The following ATL1 variants were observed in gnomAD, a reference collection of about 807,000 sequenced individuals.
ATL1 encodes the protein atlastin-1.
ATL1 carries 31 observed loss-of-function variants against 75.5 expected under a neutral mutation model. That is an observed-to-expected ratio of 0.41 (90% CI 0.31 to 0.55). The LOEUF (loss-of-function observed/expected upper bound fraction) is 0.55, where lower values mean the gene tolerates loss of function less well. ATL1 is among the 20% of genes least tolerant of loss of function. The probability of loss-of-function intolerance (pLI) is 0.27; values close to 1 mark genes in which losing one functional copy is unlikely to be tolerated. For synonymous variants in ATL1, 226 were observed against 233.3 expected (o/e 0.97, Z 0.28); for missense variants, 405 against 662.6 (o/e 0.61, Z 4.27).
chr14:50,632,135 C>A, intron 13 of ATL1, 94 bp from the exon 14 acceptor site: 1 of 716,134 alleles, frequency 1.4e-6, no homozygotes, highest in Non-Finnish European at 2.3e-6. Flanking sequence ...ATTCAACATG[C>A]TAAATTTTAT....
At chr14:50,557,150 G>A (rs1368576741), upstream of ATL1, among the ~76,000 whole-genome samples, 2 of 152,136 alleles carry the variant, frequency 1.3e-5, no homozygotes, top group African/African-American at 4.8e-5. Context: ...ACCAACACTT[G>A]TTATTATCTT....
intron 1 of ATL1, among the ~76,000 whole-genome samples, chr14:50,562,333 C>T (rs1289884142): frequency 6.6e-6 from 1 of 152,200 alleles, no homozygotes; most frequent in Non-Finnish European, 1.5e-5. Flanking sequence ...AGCGAGCCAC[C>T]ATTCCCGGCC....
intron 8 of ATL1, among the ~76,000 whole-genome samples, chr14:50,620,236 C>T (rs977500998): frequency 3.9e-5 from 6 of 152,072 alleles, no homozygotes; most frequent in South Asian, 2.1e-4. Flanking sequence ...CCAGCCTGGG[C>T]GACAGAGCAA....
intron 1 of ATL1, among the ~76,000 whole-genome samples, chr14:50,570,232 T>C (rs2983420): frequency 0.2 from 30,869 of 152,212 alleles, 3,906 homozygotes; most frequent in Middle Eastern, 0.29. Context: ...TCAGTTTTCT[T>C]CAATCTTTTT....
rs919176987 is a variant in ATL1, at chr14:50,566,253, C to G, written c.34+5954C>G. Among the ~76,000 whole-genome samples the G allele has an allele frequency of 0.016, 131 of 8,382 alleles. No individual in the cohort carries two copies. In the African/African-American group the frequency reaches 0.19, roughly 12 times the overall value. 5.5% of individuals were successfully genotyped at this position (8,382 alleles called of 152,430 possible). On this transcript the variant is annotated intron_variant, in intron 1 of 13. Coordinates refer to ENST00000358385, the MANE Select transcript of ATL1 (RefSeq NM_015915.5). ...CCTCAGGTGATCCACCCACCTCAGC[C>G]CCCCAAAGTGCTGGGATTACAGGCG...
chr14:50,631,687 C>G (rs1805501007), intron 13 of ATL1, among the ~76,000 whole-genome samples: 1 of 152,068 alleles, frequency 6.6e-6, no homozygotes, highest in African/African-American at 2.4e-5. Flanking sequence ...AAGATATTAG[C>G]TAAGTCACGG....
chr14:50,556,051 G>T (rs556026830), upstream of ATL1, among the ~76,000 whole-genome samples: 1 of 152,312 alleles, frequency 6.6e-6, no homozygotes, highest in South Asian at 2.1e-4. Context: ...TCCCGGAAGA[G>T]TCAGGAAGAG....
At chr14:50,551,135 T>C (rs1195226161) in intron 1 of ATL1, among the ~76,000 whole-genome samples, 2 of 151,870 alleles carry the variant, frequency 1.3e-5, no homozygotes, top group Non-Finnish European at 2.9e-5. Context: ...ATTAGTGAGA[T>C]TAACTAAGAA....
At chr14:50,631,919 C>T (rs2039585150) in intron 13 of ATL1, 1 of 200,266 alleles carries the variant, frequency 5.0e-6, no homozygotes, top group Non-Finnish European at 1.0e-5. Flanking sequence ...TGCTAATATT[C>T]ACAATTTGAA....
At chr14:50,618,793 A>G (rs2039437405) in intron 8 of ATL1, among the ~76,000 whole-genome samples, 1 of 152,148 alleles carries the variant, frequency 6.6e-6, no homozygotes, top group South Asian at 2.1e-4. Flanking sequence ...TTAGAAATCA[A>G]GCAAGTCACT....
At chr14:50,551,338 ACT>A (rs1305620644) in intron 1 of ATL1, among the ~76,000 whole-genome samples, 1 of 91,036 alleles carries the variant, frequency 1.1e-5, no homozygotes, top group Non-Finnish European at 2.5e-5. Context: ...AGAAATAGAA[ACT>A]CTGAACAGAC....
chr14:50,595,899 T>G (rs1354953778), intron 6 of ATL1, among the ~76,000 whole-genome samples: 1 of 151,854 alleles, frequency 6.6e-6, no homozygotes, highest in Non-Finnish European at 1.5e-5. Flanking sequence ...TTTTTTTTCC[T>G]GAACTCAAAG....
chr14:50,582,784 T>A (rs983748830), intron 1 of ATL1, among the ~76,000 whole-genome samples: 14 of 151,886 alleles, frequency 9.2e-5, no homozygotes, highest in African/African-American at 1.7e-4. Context: ...AAGGACAAAA[T>A]AAGAAAGGAA....
At position 50,628,032 on chromosome 14, in the gene ATL1, T is replaced by C; in HGVS notation, c.1121T>C (p.Ile374Thr). The C allele has an allele frequency of 1.2e-6, 2 of 1,614,182 alleles. No individual in the cohort carries two copies. Among genetic ancestry groups the C allele is most frequent in the Non-Finnish European group, 1.7e-6 (2 of 1,180,032 alleles). ...KDTYNKKMEE[I>T]CGGDKPFLAP... ...CAAATACTTCTCTATCTGATACAGA[T>C]TTGTGGTGGTGACAAACCATTTCTG... Residue 374 changes from isoleucine (I) to threonine (T), a missense_variant and splice_region_variant, in exon 12 of 14, where the codon ATT becomes ACT. This residue lies in a region of ATL1 where 163 missense variants were observed against 244.1 expected (regional missense o/e 0.67). Transcript: ENST00000358385.
intron 11 of ATL1, among the ~76,000 whole-genome samples, chr14:50,625,518 C>CTTT (rs2039509758): frequency 6.6e-6 from 1 of 152,154 alleles, no homozygotes; most frequent in African/African-American, 2.4e-5. Flanking sequence ...GAGGAGAGGT[C>CTTT]AATGCCTGGC....
At chr14:50,626,460 C>CTTA (rs2039521466) in intron 11 of ATL1, among the ~76,000 whole-genome samples, 1 of 152,182 alleles carries the variant, frequency 6.6e-6, no homozygotes, top group Non-Finnish European at 1.5e-5. Flanking sequence ...AGCAAGAGAA[C>CTTA]TTAAAAGTGG....
intron 12 of ATL1, 67 bp downstream of exon 12, chr14:50,628,529 T>C (rs2039545338): frequency 2.0e-6 from 3 of 1,492,170 alleles, no homozygotes; most frequent in Non-Finnish European, 9.2e-7. Flanking sequence ...TGCCAGCCAC[T>C]GCATTAGATG....
At chr14:50,621,469 G>T (rs765416368) in intron 9 of ATL1, among the ~76,000 whole-genome samples, 4 of 152,114 alleles carry the variant, frequency 2.6e-5, no homozygotes, top group Non-Finnish European at 5.9e-5. Flanking sequence ...TTACAATTTG[G>T]TAGGAGATTC....
chr14:50,563,964 C>T (rs181166812), intron 1 of ATL1, among the ~76,000 whole-genome samples: 1 of 152,106 alleles, frequency 6.6e-6, no homozygotes, highest in East Asian at 1.9e-4. Flanking sequence ...GGTTATAGAT[C>T]TAGTATTCAA....
Sources: gnomAD v4.1 joint callset for allele counts (sites outside exome capture counted in the v4.1 genomes callset) on GRCh38, gnomAD v4.1.1 for gene constraint, gnomAD v4.1.1 regional missense constraint, MANE v1.5 for transcripts, NCBI Gene and HGNC (gene_info 2026-07-23, HGNC 2026-07-21) for gene names.